The following MYBPC3 variants were observed in gnomAD, a reference collection of about 807,000 sequenced individuals.
The protein encoded by MYBPC3 is myosin-binding protein C, cardiac-type.
Under a neutral mutation model 159.3 loss-of-function variants are expected in MYBPC3, and 108 were observed. That is an observed-to-expected ratio of 0.68 (90% CI 0.58 to 0.80). MYBPC3 has a LOEUF of 0.80. Among genes scored for constraint, MYBPC3 ranks in the 30% least tolerant of loss-of-function variants. The pLI is 0.00. For missense variants in MYBPC3, 1,631 were observed against 1,762.1 expected, an observed-to-expected ratio of 0.93 and a Z score of 1.33; for synonymous variants, 730 against 702.0, an observed-to-expected ratio of 1.04 and a Z score of -0.63.
chr11:47,348,632 G>A (rs1185026857), intron 5 of MYBPC3, 91 bp from the exon 6 acceptor site: 17 of 1,031,882 alleles, frequency 1.6e-5, no homozygotes, highest in Admixed American at 7.3e-5. Flanking sequence ...GTGGCCGGGC[G>A]CGGTGGCTCA....
rs373792537 is a variant in MYBPC3 at position 47,337,467 on chromosome 11, G to C, written c.2526C>G (p.Tyr842Ter). ...EARRMIEGVV[Y>*]EMRVYAVNAI... ...CGTTGACCGCGTAGACGCGCATCTC[G>C]TACACCACGCCCTCGATCATGCGCC... The change falls in exon 25 of 35, where the codon TAC (tyrosine) becomes TAG (stop). Residue 842 changes from tyrosine to a stop codon, truncating the protein, a stop_gained. Coordinates refer to ENST00000545968, the MANE Select transcript of MYBPC3 (RefSeq NM_000256.3). LOFTEE classifies it high-confidence loss of function. 1 of 1,613,794 alleles carries C rather than the reference G, an allele frequency of 6.2e-7. No individual in the cohort carries two copies. The highest frequency in any genetic ancestry group is 8.5e-7 in the Non-Finnish European group (1 of 1,179,880).
chr11:47,333,796 G>T, intron 28 of MYBPC3, 44 bp from the exon 29 acceptor site: 1 of 1,558,240 alleles, frequency 6.4e-7, no homozygotes. Flanking sequence ...ATCACTCCAA[G>T]GGCCGGCCGC....
chr11:47,351,097 A>G lies in MYBPC3; in HGVS notation c.292+142T>C. On this transcript the variant is annotated intron_variant, in intron 2 of 34. Coordinates refer to ENST00000545968, the MANE Select transcript of MYBPC3 (RefSeq NM_000256.3). The surrounding 1 kb of genome is among the most constrained non-coding windows in gnomAD (Gnocchi z 4.2). ...GAGGTCATGTGCAGAAAAGGGGGAA[A>G]GGGCGTTCCTGGCGGGGGGCACAGC... 1 of 1,108,964 alleles carries G rather than the reference A, an allele frequency of 9.0e-7. No individual in the cohort carries two copies. Among genetic ancestry groups the G allele is most frequent in the Admixed American group, 2.9e-5 (1 of 34,048 alleles). The allele number at this position is 1,108,964 out of a possible 1,614,324, so 68.7% of individuals were successfully genotyped here. A position where few individuals can be genotyped will look rare whatever the true frequency, so the allele number is the denominator to read the frequency against.
rs1181571824 is a variant in MYBPC3, at chr11:47,346,853, C to G, written c.908+174G>C. Among the ~76,000 whole-genome samples the G allele has an allele frequency of 6.6e-6, 1 of 152,146 alleles. No homozygotes were observed. The highest frequency in any genetic ancestry group is 1.5e-5 in the Non-Finnish European group (1 of 68,024). On this transcript the variant is annotated intron_variant, in intron 10 of 34. Transcript: ENST00000545968. The surrounding 1 kb of genome is among the most constrained non-coding windows in gnomAD (Gnocchi z 5.3). ...TACTTTTTCTTATCCCTCCTAAGCTCTGACAGATAGGTGGGTGGCAGGAGA... is the reference window on the plus strand; with the variant it reads ...TACTTTTTCTTATCCCTCCTAAGCTGTGACAGATAGGTGGGTGGCAGGAGA...
At position 47,342,435 on chromosome 11, in the gene MYBPC3, G is replaced by A. The variant is rs964849350; in HGVS notation, c.1624+143C>T. 8.9e-6 allele frequency: 10 copies of A among 1,128,384 alleles called. No individual in the cohort carries two copies. In the African/African-American group the frequency reaches 1.6e-4, roughly 18 times the overall value. 69.9% of individuals were successfully genotyped at this position (1,128,384 alleles called of 1,614,324 possible). Reference sequence around the variant, plus strand: ...CTCAGCATCGTCATTTTAGAGATGAGAAGGATGAGGTTTAGGCTGTCAAAG... The same window carrying A: ...CTCAGCATCGTCATTTTAGAGATGAAAAGGATGAGGTTTAGGCTGTCAAAG... On this transcript the variant is annotated intron_variant, in intron 17 of 34. Coordinates refer to ENST00000545968, the MANE Select transcript of MYBPC3 (RefSeq NM_000256.3).
intron 25 of MYBPC3, among the ~76,000 whole-genome samples, chr11:47,336,970 T>C (rs1282129560): frequency 6.6e-6 from 1 of 152,172 alleles, no homozygotes; most frequent in Admixed American, 6.5e-5. Context: ...CCCCATCCCA[T>C]AGGTGAAAAC....
Position 47,352,641 on chromosome 11 carries a change from C to T in MYBPC3, c.7G>A (p.Glu3Lys). 1 of 1,596,314 alleles carries T rather than the reference C, an allele frequency of 6.3e-7. No homozygotes were observed. The stretch of plus-strand genomic sequence containing the variant: ...AAGCTACCTGGCTTCTTCCCCGGCT[C>T]AGGCATCCTGAGAGACGTCACACCA... MP[E>K]PGKKPVSAFS... The change falls in exon 1 of 35, where the codon GAG (glutamate) becomes AAG (lysine). Residue 3 changes from glutamate (E) to lysine (K), a missense_variant. Glu to Lys is a moderately conservative substitution (Grantham distance 56). Transcript: ENST00000545968.
Position 47,332,495 on chromosome 11 carries a change from G to T in MYBPC3, c.3627+71C>A. The T allele has an allele frequency of 6.4e-7, 1 of 1,557,808 alleles. No homozygotes were observed. Among genetic ancestry groups the T allele is most frequent in the South Asian group, 1.2e-5 (1 of 82,886 alleles). ...AAGCAGGGGAGACAGGCTGGGGAGA[G>T]GACTGCTCAACGTCGGGGCCTGTGA... On this transcript the variant is annotated intron_variant, in intron 32 of 34. Coordinates refer to ENST00000545968, the MANE Select transcript of MYBPC3 (RefSeq NM_000256.3). The surrounding 1 kb of genome is among the most constrained non-coding windows in gnomAD (Gnocchi z 4.2).
In MYBPC3 at chr11:47,346,422, GC is replaced by G; in HGVS notation, c.927-53del. ...CGGGGGCAAGACTGCAGCCCCCTGGGCGGGGCTTCCTGGGCCCAGGACCAAG... is the reference window on the plus strand; with the variant it reads ...CGGGGGCAAGACTGCAGCCCCCTGGGGGGGCTTCCTGGGCCCAGGACCAAG... On this transcript the variant is annotated intron_variant, in intron 11 of 34. Coordinates refer to ENST00000545968, the MANE Select transcript of MYBPC3 (RefSeq NM_000256.3). This position sits in a 1 kb window ranked among gnomAD's most constrained non-coding sequence, Gnocchi z 5.3. 1 of 1,498,778 alleles carries G rather than the reference GC, an allele frequency of 6.7e-7. No homozygotes were observed. Among genetic ancestry groups the G allele is most frequent in the Non-Finnish European group, 8.9e-7 (1 of 1,118,370 alleles). The allele number at this position is 1,498,778 out of a possible 1,614,324, so 92.8% of individuals were successfully genotyped here.
rs201098973 is a variant in MYBPC3, at chr11:47,349,782, C to T, written c.646G>A (p.Ala216Thr). The T allele has an allele frequency of 2.5e-4, 409 of 1,605,254 alleles. 3 individuals are homozygous for T. Among genetic ancestry groups the T allele is most frequent in the Middle Eastern group, 2.4e-3 (14 of 5,934 alleles). The change falls in exon 5 of 35, where the codon GCC becomes ACC. Residue 216 changes from alanine (A) to threonine (T), a missense_variant. Ala to Thr is a moderately conservative substitution (Grantham distance 58). Coordinates refer to ENST00000545968, the MANE Select transcript of MYBPC3 (RefSeq NM_000256.3). The stretch of plus-strand genomic sequence containing the variant: ...GACCCCGGTGGACCCACCTTGCTGG[C>T]GCGGTCGTAGCTGTCGTGCAGCTGC... The part of the protein sequence containing the change: ...HLQLHDSYDR[A>T]SKVYLFELHI...
In MYBPC3 at chr11:47,332,675, T is replaced by C. The variant is rs1165270727; in HGVS notation, c.3518A>G (p.Lys1173Arg). 1.2e-6 allele frequency: 2 copies of C among 1,612,416 alleles called. No homozygotes were observed. The highest frequency in any genetic ancestry group is 1.7e-6 in the Non-Finnish European group (2 of 1,179,210). Residue 1173 changes from lysine to arginine, a missense_variant, in exon 32 of 35, where the codon AAG becomes AGG. Coordinates refer to ENST00000545968, the MANE Select transcript of MYBPC3 (RefSeq NM_000256.3). This position sits in a 1 kb window ranked among gnomAD's most constrained non-coding sequence, Gnocchi z 4.2. ...PGITYEPPNY[K>R]ALDFSEAPSF... is the part of the protein sequence containing the mutation. ...TGGGGCCTCGGAGAAGTCCAGGGCCTTATAGTTGGGTGGCTCATAGGTGAT... is the reference window on the plus strand; with the variant it reads ...TGGGGCCTCGGAGAAGTCCAGGGCCCTATAGTTGGGTGGCTCATAGGTGAT...
In MYBPC3 at chr11:47,344,883, C is replaced by T. The variant is rs188357846; in HGVS notation, c.1091-1259G>A. On this transcript the variant is annotated intron_variant, in intron 12 of 34. Coordinates refer to ENST00000545968, the MANE Select transcript of MYBPC3 (RefSeq NM_000256.3). ...CTGACTCACTGCAACCTCTGCCTCC[C>T]GGGTTCAAGTGATTCTCCTGCCTCA... 6.6e-5 allele frequency among the ~76,000 whole-genome samples: 10 copies of T among 152,198 alleles called. No homozygotes were observed. The East Asian group carries it at 1.2e-3, about 18-fold the overall frequency.
At chr11:47,341,362 T>C (rs977167087) in intron 18 of MYBPC3, 118 bp from the exon 19 acceptor site, 2 of 708,590 alleles carry the variant, frequency 2.8e-6, no homozygotes, top group Non-Finnish European at 4.5e-6. Context: ...GGTATTCTGA[T>C]TTTTAAAAAT....
chr11:47,333,743 G>A lies in MYBPC3; in HGVS notation c.3004C>T (p.Arg1002Trp), dbSNP rs3729799. Reference protein sequence around the residue: ...NLLIPFQGKPRPQVTWTKEGQ... With the variant: ...NLLIPFQGKPWPQVTWTKEGQ... ...TCTTTGGTCCAGGTCACCTGAGGCC[G>A]GGGCTTGCCCTGAGGGGAGGAAAAG... Residue 1002 changes from arginine (R) to tryptophan (W), a missense_variant, in exon 29 of 35, where the codon CGG becomes TGG. Physicochemically the swap from Arg to Trp is moderately radical, Grantham distance 101. Transcript: ENST00000545968. The A allele has an allele frequency of 3.7e-4, 599 of 1,599,242 alleles. 2 individuals carry two copies. The African/African-American group carries it at 6.8e-3, about 18-fold the overall frequency.
Position 47,338,202 on chromosome 11 carries a change from C to T in MYBPC3, c.2308+318G>A, listed in dbSNP as rs1395110598. On this transcript the variant is annotated intron_variant, in intron 23 of 34. Transcript: ENST00000545968. The surrounding 1 kb of genome is among the most constrained non-coding windows in gnomAD (Gnocchi z 4.7). ...ACCCCTTTGTACACAGTTTCCTCTG[C>T]CTGGGATGCCTTTCCTCACCATCTT... 1.3e-5 allele frequency among the ~76,000 whole-genome samples: 2 copies of T among 152,130 alleles called. No individual in the cohort carries two copies. The highest frequency in any genetic ancestry group is 4.8e-5 in the African/African-American group (2 of 41,420).
chr11:47,338,465 C>G lies in MYBPC3; in HGVS notation c.2308+55G>C. ...GTGGCTGAATGAGCGAACGGATGGG[C>G]CCTCCTTGGGGCTGCCCCTCTGTGT... On this transcript the variant is annotated intron_variant, in intron 23 of 34. Transcript: ENST00000545968. The surrounding 1 kb of genome is among the most constrained non-coding windows in gnomAD (Gnocchi z 4.7). The G allele has an allele frequency of 6.2e-7, 1 of 1,609,186 alleles. No individual in the cohort carries two copies. Among genetic ancestry groups the G allele is most frequent in the Admixed American group, 1.7e-5 (1 of 59,868 alleles).
chr11:47,347,037 ACAG>A lies in MYBPC3; in HGVS notation c.906-11_906-9del, dbSNP rs751038432. The A allele has an allele frequency of 3.5e-5, 28 of 810,118 alleles. No homozygotes were observed. The highest frequency in any genetic ancestry group is 5.4e-5 in the Non-Finnish European group (25 of 458,890). The allele number at this position is 810,118 out of a possible 1,614,324, so 50.2% of individuals were successfully genotyped here. ...GACCCCGATTCTTACTCTCTGGGCC[ACAG>A]CAGCAGCAGCCATAATGGAGGGGCC... On this transcript the variant is annotated splice_polypyrimidine_tract_variant and intron_variant, in intron 9 of 34. Coordinates refer to ENST00000545968, the MANE Select transcript of MYBPC3 (RefSeq NM_000256.3).
Position 47,333,228 on chromosome 11 carries a change from C to G in MYBPC3, c.3296G>C (p.Gly1099Ala). 2 of 1,595,474 alleles carry G rather than the reference C, an allele frequency of 1.3e-6. No homozygotes were observed. The highest frequency in any genetic ancestry group is 2.3e-5 in the East Asian group (1 of 44,136). Residue 1099 changes from glycine (G) to alanine (A), a missense_variant, in exon 30 of 35, where the codon GGG becomes GCG. Gly to Ala is a moderately conservative substitution (Grantham distance 60, BLOSUM62 0). Transcript: ENST00000545968. ...PQDVGNTELWGYTVQKADKKT... is the reference protein window; with the variant it reads ...PQDVGNTELWAYTVQKADKKT... ...CTTGTCGGCTTTCTGCACTGTGTAC[C>G]CCCAGAGCTCCGTGTTGCCGACATC...
In MYBPC3 at chr11:47,338,809, G is replaced by T; in HGVS notation, c.2149-130C>A. The T allele has an allele frequency of 8.6e-7, 1 of 1,158,244 alleles. No homozygotes were observed. The highest frequency in any genetic ancestry group is 1.2e-6 in the Non-Finnish European group (1 of 845,102). The allele number at this position is 1,158,244 out of a possible 1,614,324, so 71.7% of individuals were successfully genotyped here. On this transcript the variant is annotated intron_variant, in intron 22 of 34. Transcript: ENST00000545968. This position sits in a 1 kb window ranked among gnomAD's most constrained non-coding sequence, Gnocchi z 4.7. ...CTGTGGGAAGACTGCATCCACGTCA[G>T]CATCTAGTTCAAAATCATCTCTGTG...
Sources: allele counts gnomAD v4.1 joint callset (sites outside exome capture counted in the v4.1 genomes callset), GRCh38; gene constraint gnomAD v4.1.1; non-coding constraint Gnocchi (gnomAD v3.1); transcripts MANE v1.5; gene names NCBI Gene and HGNC (gene_info 2026-07-23, HGNC 2026-07-21).